Variants in FHIT observed in about 807,000 individuals in gnomAD.
The protein encoded by FHIT is bis(5'-adenosyl)-triphosphatase.
FHIT carries 19 observed loss-of-function variants against 17.9 expected under a neutral mutation model. The ratio of observed to expected loss-of-function variants is 1.06; its 90% CI spans 0.74 to 1.56. The LOEUF is 1.56. Ranked by LOEUF, FHIT falls within the 40% of genes most tolerant of loss-of-function variation. FHIT has a pLI of 0.00. For missense variants in FHIT, 248 were observed against 189.2 expected (o/e 1.31, Z -1.82); for synonymous variants, 81 against 69.7 (o/e 1.16, Z -0.81).
At chr3:60,123,000 A>G (rs933652903) in intron 5 of FHIT, among the ~76,000 whole-genome samples, 3 of 152,190 alleles carry the variant, frequency 2.0e-5, no homozygotes, top group Non-Finnish European at 4.4e-5. Flanking sequence ...ATGGGCTGGT[A>G]TAATTGTGCA....
At chr3:60,711,020 C>A (rs1234832037) in intron 4 of FHIT, among the ~76,000 whole-genome samples, 2 of 152,154 alleles carry the variant, frequency 1.3e-5, no homozygotes, top group African/African-American at 4.8e-5. Flanking sequence ...CAGGGAGGCA[C>A]CCCCCAGTAG....
intron 4 of FHIT, among the ~76,000 whole-genome samples, chr3:60,686,878 T>A (rs1553698583): frequency 6.6e-6 from 1 of 152,198 alleles, no homozygotes; most frequent in Non-Finnish European, 1.5e-5. Flanking sequence ...ATTTAACCTA[T>A]ACTACTTCCA....
intron 4 of FHIT, among the ~76,000 whole-genome samples, chr3:60,756,997 C>T (rs1217354464): frequency 1.3e-5 from 2 of 151,308 alleles, no homozygotes; most frequent in Non-Finnish European, 2.9e-5. Context: ...CAAGACCAAC[C>T]ACAAAAAAAG....
At chr3:60,081,742 G>A (rs1020542918) in intron 5 of FHIT, among the ~76,000 whole-genome samples, 1 of 152,106 alleles carries the variant, frequency 6.6e-6, no homozygotes, top group Non-Finnish European at 1.5e-5. Context: ...GTGTGAATAT[G>A]TGTGTGTGTT....
At chr3:60,219,829 A>G (rs1365482802) in intron 5 of FHIT, among the ~76,000 whole-genome samples, 1 of 152,140 alleles carries the variant, frequency 6.6e-6, no homozygotes, top group African/African-American at 2.4e-5. Context: ...ATGTGTGGTT[A>G]TAATTGTGTA....
chr3:61,011,521 C>T lies in FHIT; in HGVS notation c.-111+30526G>A, dbSNP rs17064303. Among the ~76,000 whole-genome samples, 1,283 of 152,156 alleles carry T rather than the reference C, an allele frequency of 8.4e-3. 16 individuals are homozygous for T. Among genetic ancestry groups the T allele is most frequent in the African/African-American group, 0.029 (1,189 of 41,530 alleles). On this transcript the variant is annotated intron_variant, in intron 3 of 9. Coordinates refer to ENST00000492590, the MANE Select transcript of FHIT (RefSeq NM_002012.4). ...TAAATGGCCCTAACTTAGGCTGTTA[C>T]GTACCTTCATTCTTCTGCTTTATAC...
At chr3:60,290,055 CA>C (rs1287401585) in intron 5 of FHIT, among the ~76,000 whole-genome samples, 1 of 152,152 alleles carries the variant, frequency 6.6e-6, no homozygotes, top group Non-Finnish European at 1.5e-5. Flanking sequence ...GTTCTTATCA[CA>C]ATACTGTTTC....
chr3:60,988,912 C>CTT (rs34551612), intron 3 of FHIT, among the ~76,000 whole-genome samples: 45,501 of 80,176 alleles, frequency 0.57, 15,848 homozygotes, highest in East Asian at 0.75. Flanking sequence ...TGTTAAAAGG[C>CTT]TTTTTTTTTT....
intron 3 of FHIT, among the ~76,000 whole-genome samples, chr3:61,014,807 A>AAAAATT (rs1553798839): frequency 2.4e-4 from 12 of 49,102 alleles, no homozygotes; most frequent in African/African-American, 5.9e-4. Flanking sequence ...AAAAAAAAAA[A>AAAAATT]ATATATATAT....
intron 5 of FHIT, among the ~76,000 whole-genome samples, chr3:60,176,490 G>C (rs1416745976): frequency 3.3e-5 from 5 of 152,164 alleles, no homozygotes; most frequent in Admixed American, 3.3e-4. Flanking sequence ...AATCAAAATA[G>C]CTTTAAGCAT....
chr3:60,977,956 ACCCT>A (rs910731978), intron 3 of FHIT, among the ~76,000 whole-genome samples: 1 of 151,970 alleles, frequency 6.6e-6, no homozygotes, highest in Non-Finnish European at 1.5e-5. Context: ...GGCACAGAAA[ACCCT>A]TGTCAGAAAT....
chr3:59,853,331 T>A (rs1702019069), intron 8 of FHIT, among the ~76,000 whole-genome samples: 1 of 152,224 alleles, frequency 6.6e-6, no homozygotes, highest in African/African-American at 2.4e-5. Flanking sequence ...AATGTAGATA[T>A]TTCAAACTGG....
In FHIT at chr3:60,169,596, T is replaced by C. The variant is rs151171590; in HGVS notation, c.104-155444A>G. On this transcript the variant is annotated intron_variant, in intron 5 of 9. Transcript: ENST00000492590. Reference sequence around the variant, plus strand: ...AGGCCCTTAGAAACATCACAACCCATGTTCCCCTTTCAAAGGTTAGAATAA... The same window carrying C: ...AGGCCCTTAGAAACATCACAACCCACGTTCCCCTTTCAAAGGTTAGAATAA... 1.8e-4 allele frequency among the ~76,000 whole-genome samples: 27 copies of C among 152,300 alleles called. No individual in the cohort carries two copies. The East Asian group carries it at 5.0e-3, about 28-fold the overall frequency.
At chr3:60,547,071 C>A (rs2036391627) in intron 4 of FHIT, among the ~76,000 whole-genome samples, 1 of 152,124 alleles carries the variant, frequency 6.6e-6, no homozygotes, top group Non-Finnish European at 1.5e-5. Context: ...TTGTGCATCT[C>A]CAGGATCTGA....
intron 1 of FHIT, among the ~76,000 whole-genome samples, chr3:61,224,339 A>G (rs934719184): frequency 6.6e-6 from 1 of 152,210 alleles, no homozygotes; most frequent in Non-Finnish European, 1.5e-5. Flanking sequence ...ATGACTACCT[A>G]CATGGTAATT....
chr3:59,753,716 A>G (rs946948464), intron 8 of FHIT, among the ~76,000 whole-genome samples: 2 of 152,188 alleles, frequency 1.3e-5, no homozygotes, highest in African/African-American at 2.4e-5. Flanking sequence ...TATTTCGTTT[A>G]ATCCTTACAA....
At chr3:59,782,270 CAG>C (rs1702625397) in intron 8 of FHIT, among the ~76,000 whole-genome samples, 1 of 151,652 alleles carries the variant, frequency 6.6e-6, no homozygotes, top group African/African-American at 2.4e-5. Flanking sequence ...TTTGTCTAAT[CAG>C]AGTTTTTTTT....
chr3:61,200,919 G>T (rs1215735319), intron 1 of FHIT, among the ~76,000 whole-genome samples: 3 of 152,170 alleles, frequency 2.0e-5, no homozygotes, highest in Non-Finnish European at 4.4e-5. Flanking sequence ...AAATCTTTTG[G>T]AGTGTGTACT....
chr3:60,365,781 G>A (rs564123119), intron 5 of FHIT, among the ~76,000 whole-genome samples: 3 of 152,256 alleles, frequency 2.0e-5, no homozygotes, highest in African/African-American at 7.2e-5. Context: ...GTTTTTAAAT[G>A]ATTTGACTCT....
Sources: allele counts gnomAD v4.1 joint callset (sites outside exome capture counted in the v4.1 genomes callset), GRCh38; gene constraint gnomAD v4.1.1; transcripts MANE v1.5; gene names NCBI Gene and HGNC (gene_info 2026-07-23, HGNC 2026-07-21).